The following LSAMP variants were observed in gnomAD, a reference collection of about 807,000 sequenced individuals.
LSAMP encodes the protein limbic system-associated membrane protein.
LSAMP carries 7 observed loss-of-function variants against 38.6 expected under a neutral mutation model. The observed-to-expected ratio is 0.18, with a 90% CI of 0.10 to 0.34. LSAMP has a LOEUF of 0.34. Ranked by LOEUF, LSAMP falls within the 10% of genes least tolerant of loss-of-function variation. LSAMP has a pLI of 1.00. For missense variants in LSAMP, 313 were observed against 420.0 expected, an observed-to-expected ratio of 0.75 and a Z score of 2.23; for synonymous variants, 154 against 166.8, an observed-to-expected ratio of 0.92 and a Z score of 0.59.
chr3:116,243,817 C>T (rs144163991), intron 1 of LSAMP, among the ~76,000 whole-genome samples: 232 of 152,110 alleles, frequency 1.5e-3, no homozygotes, highest in African/African-American at 5.5e-3. Context: ...TGACATTTTT[C>T]TTTTTTTAAC....
chr3:116,042,121 G>C (rs896208354), intron 2 of LSAMP, among the ~76,000 whole-genome samples: 1 of 152,058 alleles, frequency 6.6e-6, no homozygotes, highest in Non-Finnish European at 1.5e-5. Context: ...AATTTTATGT[G>C]TACTATTCTG....
At chr3:116,367,979 C>T (rs1011609641) in intron 1 of LSAMP, 1 of 152,186 alleles carries the variant, frequency 6.6e-6, no homozygotes, top group Non-Finnish European at 1.5e-5. Flanking sequence ...TCGAAATCTA[C>T]TGGTCTCTAA....
At chr3:116,388,337 T>C (rs2048650759) in intron 1 of LSAMP, among the ~76,000 whole-genome samples, 1 of 152,148 alleles carries the variant, frequency 6.6e-6, no homozygotes, top group Non-Finnish European at 1.5e-5. Context: ...TTTGTTTGTT[T>C]GTTTGTTTTA....
chr3:115,823,629 C>A (rs549932457), intron 6 of LSAMP, among the ~76,000 whole-genome samples: 38 of 152,060 alleles, frequency 2.5e-4, no homozygotes, highest in Non-Finnish European at 2.5e-4. Flanking sequence ...AAAAACAAAT[C>A]AATGCATTTT....
At chr3:116,215,781 C>A (rs1463353191) in intron 1 of LSAMP, among the ~76,000 whole-genome samples, 2 of 152,168 alleles carry the variant, frequency 1.3e-5, no homozygotes, top group East Asian at 1.9e-4. Flanking sequence ...AATCAGGATA[C>A]ACCATGGTAG....
chr3:116,131,233 C>T (rs7639126), intron 1 of LSAMP, among the ~76,000 whole-genome samples: 29,377 of 151,698 alleles, frequency 0.19, 3,140 homozygotes, highest in East Asian at 0.44. Context: ...CCTCATGATC[C>T]GCCCACCTTG....
intron 1 of LSAMP, among the ~76,000 whole-genome samples, chr3:116,163,525 G>A (rs543875347): frequency 1.7e-4 from 26 of 151,136 alleles, no homozygotes; most frequent in Admixed American, 1.3e-3. Context: ...GAATAGTGCC[G>A]CAATAAACAT....
intron 3 of LSAMP, among the ~76,000 whole-genome samples, chr3:115,930,002 G>GTTTTTTTTTTTTTTTTTT (rs1170325465): frequency 2.5e-5 from 2 of 80,294 alleles, no homozygotes; most frequent in Non-Finnish European, 4.4e-5. Context: ...TTTAGCAGAA[G>GTTTTTTTTTTTTTTTTTT]TTTTTTTTTT....
At chr3:116,338,702 G>T (rs2047952971) in intron 1 of LSAMP, among the ~76,000 whole-genome samples, 1 of 151,982 alleles carries the variant, frequency 6.6e-6, no homozygotes, top group Non-Finnish European at 1.5e-5. Context: ...TTTTATCAGG[G>T]TTCTTTCTGA....
chr3:116,182,559 T>G (rs534145448), intron 1 of LSAMP, among the ~76,000 whole-genome samples: 7 of 151,734 alleles, frequency 4.6e-5, no homozygotes, highest in African/African-American at 1.7e-4. Context: ...TCAGGGTAGG[T>G]GTTTACATGT....
intron 4 of LSAMP, among the ~76,000 whole-genome samples, chr3:115,847,610 C>T (rs556493048): frequency 2.6e-5 from 4 of 152,236 alleles, no homozygotes; most frequent in African/African-American, 2.4e-5. Flanking sequence ...GCAGTTCCCC[C>T]GTGCTGTTCT....
At chr3:116,427,603 T>C (rs1412850163) in intron 1 of LSAMP, among the ~76,000 whole-genome samples, 1 of 152,158 alleles carries the variant, frequency 6.6e-6, no homozygotes, top group East Asian at 1.9e-4. Context: ...GCTTGCAATT[T>C]TTACAGTGTG....
chr3:116,410,143 T>C (rs1030502532), intron 1 of LSAMP, among the ~76,000 whole-genome samples: 1 of 152,114 alleles, frequency 6.6e-6, no homozygotes, highest in African/African-American at 2.4e-5. Context: ...TTCTGCTGTT[T>C]TTCGTAAATC....
At chr3:116,155,985 G>A (rs375616157) in intron 1 of LSAMP, among the ~76,000 whole-genome samples, 3 of 152,236 alleles carry the variant, frequency 2.0e-5, no homozygotes. Flanking sequence ...GTTGCTTCAG[G>A]AACATGTGGC....
chr3:116,092,728 G>T (rs879255753), intron 1 of LSAMP, among the ~76,000 whole-genome samples: 1 of 152,090 alleles, frequency 6.6e-6, no homozygotes, highest in Non-Finnish European at 1.5e-5. Flanking sequence ...ACAAGAGTGG[G>T]GGTTATACTG....
intron 2 of LSAMP, among the ~76,000 whole-genome samples, chr3:116,036,833 A>G (rs1327063782): frequency 6.6e-6 from 1 of 152,178 alleles, no homozygotes; most frequent in Non-Finnish European, 1.5e-5. Flanking sequence ...ATATTGTACT[A>G]AAAATTCTTA....
chr3:116,211,444 G>A (rs952969110), intron 1 of LSAMP, among the ~76,000 whole-genome samples: 20 of 152,082 alleles, frequency 1.3e-4, no homozygotes, highest in Non-Finnish European at 1.5e-5. Flanking sequence ...GCATCATGTT[G>A]TTCACCGTTA....
chr3:116,151,988 T>C (rs1170018083), intron 1 of LSAMP, among the ~76,000 whole-genome samples: 1 of 152,102 alleles, frequency 6.6e-6, no homozygotes. Context: ...GTTTTCTTTT[T>C]ACCTTTTAAA....
intron 1 of LSAMP, among the ~76,000 whole-genome samples, chr3:116,201,937 C>G (rs2045992513): frequency 6.6e-6 from 1 of 152,058 alleles, no homozygotes; most frequent in African/African-American, 2.4e-5. Context: ...CTCAGAAAAC[C>G]TTAACATTTC....
Sources: gnomAD v4.1 joint callset for allele counts (sites outside exome capture counted in the v4.1 genomes callset) on GRCh38, gnomAD v4.1.1 for gene constraint, MANE v1.5 for transcripts, NCBI Gene and HGNC (gene_info 2026-07-23, HGNC 2026-07-21) for gene names.